TAFA3: variants seen among roughly 807,000 people sequenced by gnomAD.
TAFA3 encodes TAFA chemokine like family member 3, also known as chemokine-like protein TAFA-3.
A neutral mutation model predicts 20.7 loss-of-function variants in TAFA3; 17 were observed. The observed-to-expected ratio is 0.82, with a 90% CI of 0.56 to 1.23. The LOEUF is 1.23. TAFA3 is among the 50% of genes most tolerant of loss of function. TAFA3 has a pLI of 0.00. For missense variants in TAFA3, 174 were observed against 172.8 expected, an observed-to-expected ratio of 1.01 and a Z score of -0.04; for synonymous variants, 74 against 71.8, an observed-to-expected ratio of 1.03 and a Z score of -0.16.
chr1:112,724,242 T>TC, intron 5 of TAFA3, 105 bp downstream of exon 5: 1 of 1,048,430 alleles, frequency 9.5e-7, no homozygotes, highest in Non-Finnish European at 1.4e-6. Context: ...TGTCCCAAGG[T>TC]GAGATCGTGA....
At chr1:112,722,127 C>T in intron 2 of TAFA3, 106 bp from the exon 3 acceptor site, 1 of 1,148,944 alleles carries the variant, frequency 8.7e-7, no homozygotes, top group Non-Finnish European at 1.3e-6. Flanking sequence ...AGGTGTGCCT[C>T]CTCCCCATCT....
In TAFA3 at chr1:112,722,993, T is replaced by C. The variant is rs749547578; in HGVS notation, c.116-23T>C. 5.0e-6 allele frequency: 8 copies of C among 1,593,486 alleles called. No homozygotes were observed. The East Asian group carries it at 1.8e-4, about 36-fold the overall frequency. ...AGCGGGGTCGGGCGTGTTGGGCGTCTGATCCTGGGCGGCTCCCCTCAGTGC... is the reference window on the plus strand; with the variant it reads ...AGCGGGGTCGGGCGTGTTGGGCGTCCGATCCTGGGCGGCTCCCCTCAGTGC... On this transcript the variant is annotated intron_variant, in intron 3 of 5. Coordinates refer to ENST00000361886, the MANE Select transcript of TAFA3 (RefSeq NM_182759.3).
chr1:112,724,311 G>C (rs897160264), intron 5 of TAFA3, among the ~76,000 whole-genome samples, 174 bp downstream of exon 5: 1 of 152,050 alleles, frequency 6.6e-6, no homozygotes, highest in African/African-American at 2.4e-5. Context: ...TGGAGTTAGG[G>C]GGGTCAGGAC....
chr1:112,725,520 C>A (rs1675448131), intron 5 of TAFA3, among the ~76,000 whole-genome samples: 2 of 149,260 alleles, frequency 1.3e-5, no homozygotes, highest in Admixed American at 6.6e-5. Flanking sequence ...TCTGCCGTGA[C>A]CATCCCCCAC....
Position 112,726,923 on chromosome 1 carries a change from A to G in TAFA3, c.*283A>G, listed in dbSNP as rs771613555. The G allele has an allele frequency of 1.2e-5, 6 of 486,478 alleles. No homozygotes were observed. The highest frequency in any genetic ancestry group is 2.2e-5 in the Non-Finnish European group (6 of 271,984). The allele number at this position is 486,478 out of a possible 1,614,324, so 30.1% of individuals were successfully genotyped here. A position where few individuals can be genotyped will look rare whatever the true frequency, so the allele number is the denominator to read the frequency against. On this transcript the variant is annotated 3_prime_UTR_variant, in exon 6 of 6. Coordinates refer to ENST00000361886, the MANE Select transcript of TAFA3 (RefSeq NM_182759.3). The stretch of plus-strand genomic sequence containing the variant: ...TGAATTGGAGAGTTGATGACAGACA[A>G]TTTAGATAATTTAGGTTAAAGTACT...
At chr1:112,725,848 GAGA>G (rs1557789594) in intron 5 of TAFA3, among the ~76,000 whole-genome samples, 1 of 152,102 alleles carries the variant, frequency 6.6e-6, no homozygotes, top group African/African-American at 2.4e-5. Flanking sequence ...TAAGAAAATA[GAGA>G]AGGAGGGCTG....
intron 5 of TAFA3, among the ~76,000 whole-genome samples, 177 bp downstream of exon 5, chr1:112,724,314 G>A (rs940953904): frequency 6.6e-6 from 1 of 152,018 alleles, no homozygotes; most frequent in Non-Finnish European, 1.5e-5. Flanking sequence ...AGTTAGGGGG[G>A]TCAGGACTTG....
chr1:112,723,915 G>A (rs1423208899), intron 4 of TAFA3, 98 bp from the exon 5 acceptor site: 8 of 1,611,390 alleles, frequency 5.0e-6, no homozygotes, highest in Non-Finnish European at 6.8e-6. Context: ...CAAGGCCAGG[G>A]GTGTGTGGAA....
At chr1:112,725,102 C>G (rs1446871566) in intron 5 of TAFA3, among the ~76,000 whole-genome samples, 1 of 152,092 alleles carries the variant, frequency 6.6e-6, no homozygotes, top group East Asian at 1.9e-4. Flanking sequence ...CAGCTGAAGG[C>G]CATGATCCTA....
intron 5 of TAFA3, among the ~76,000 whole-genome samples, chr1:112,724,612 T>C (rs1390538083): frequency 3.9e-5 from 4 of 103,052 alleles, no homozygotes; most frequent in East Asian, 2.8e-4. Context: ...GGAAGGGGAA[T>C]ATCACACTCT....
At position 112,719,230 on chromosome 1, in the gene TAFA3, G is replaced by T. The variant is rs1675273448; in HGVS notation, c.-129G>T. Among the ~76,000 whole-genome samples the T allele has an allele frequency of 6.6e-6, 1 of 152,232 alleles. No homozygotes were observed. The highest frequency in any genetic ancestry group is 1.5e-5 in the Non-Finnish European group (1 of 68,046). ...CCCAAAGTCTGTCTTTCGGAGTGCT[G>T]GTCCCTGGCTCAGTGGCAAGGAAGA... On this transcript the variant is annotated 5_prime_UTR_variant, in exon 1 of 6. Transcript: ENST00000361886.
intron 4 of TAFA3, 50 bp downstream of exon 4, chr1:112,723,215 A>AG: frequency 6.4e-7 from 1 of 1,562,562 alleles, no homozygotes; most frequent in Non-Finnish European, 8.7e-7. Context: ...AGCCATAAGG[A>AG]GGCCTGTTCA....
Position 112,720,946 on chromosome 1 carries a change from A to G in TAFA3, c.-2+312A>G, listed in dbSNP as rs111635768. Reference sequence around the variant, plus strand: ...CTTTGGGAGGCCCAAACCATCAACGATGAAAGAGGAAAAGGAAAGGGGAAG... The same window carrying G: ...CTTTGGGAGGCCCAAACCATCAACGGTGAAAGAGGAAAAGGAAAGGGGAAG... On this transcript the variant is annotated intron_variant, in intron 2 of 5. Coordinates refer to ENST00000361886, the MANE Select transcript of TAFA3 (RefSeq NM_182759.3). Among the ~76,000 whole-genome samples, 486 of 152,254 alleles carry G rather than the reference A, an allele frequency of 3.2e-3. 6 individuals are homozygous for G. The highest frequency in any genetic ancestry group is 0.011 in the African/African-American group (439 of 41,560).
intron 5 of TAFA3, 72 bp downstream of exon 5, chr1:112,724,209 G>T (rs138256322): frequency 3.0e-4 from 404 of 1,355,958 alleles, no homozygotes; most frequent in Middle Eastern, 5.3e-4. Flanking sequence ...GGGCACAGGA[G>T]CCTTGGAGGT....
rs148819501 is a variant in TAFA3, at chr1:112,724,086, G to A, written c.339G>A (p.Pro113=). 955 of 1,613,314 alleles carry A rather than the reference G, an allele frequency of 5.9e-4. 2 individuals are homozygous for A. The highest frequency in any genetic ancestry group is 7.4e-4 in the Non-Finnish European group (874 of 1,179,848). The change falls in exon 5 of 6, where the codon CCG becomes CCA. Residue 113 remains proline, a synonymous_variant. Coordinates refer to ENST00000361886, the MANE Select transcript of TAFA3 (RefSeq NM_182759.3). ...CLPGEECKVL[P]DLSGWSCSSG... is the part of the protein sequence containing the mutation. ...CGGGGGAGGAGTGTAAGGTGCTCCC[G>A]GACCTGTCGGGATGGAGCTGCAGCA...
chr1:112,722,398 G>A, intron 3 of TAFA3, 50 bp downstream of exon 3: 2 of 1,521,364 alleles, frequency 1.3e-6, no homozygotes, highest in African/African-American at 1.4e-5. Flanking sequence ...AGGACACCTG[G>A]GGAGCTGGAC....
chr1:112,724,405 A>G (rs999421578), intron 5 of TAFA3, among the ~76,000 whole-genome samples: 14 of 152,192 alleles, frequency 9.2e-5, no homozygotes, highest in Non-Finnish European at 1.6e-4. Flanking sequence ...GTTTGCCTCC[A>G]GAAAATATCA....
intron 5 of TAFA3, among the ~76,000 whole-genome samples, chr1:112,724,609 G>A (rs556392645): frequency 9.1e-6 from 1 of 109,786 alleles, no homozygotes; most frequent in African/African-American, 3.6e-5. Flanking sequence ...ACAGGAAGGG[G>A]AATATCACAC....
chr1:112,724,314 G>T (rs940953904), intron 5 of TAFA3, among the ~76,000 whole-genome samples, 177 bp downstream of exon 5: 2 of 152,018 alleles, frequency 1.3e-5, no homozygotes, highest in African/African-American at 2.4e-5. Flanking sequence ...AGTTAGGGGG[G>T]TCAGGACTTG....
Sources: allele counts gnomAD v4.1 joint callset (sites outside exome capture counted in the v4.1 genomes callset), GRCh38; gene constraint gnomAD v4.1.1; transcripts MANE v1.5; gene names NCBI Gene and HGNC (gene_info 2026-07-23, HGNC 2026-07-21).